SPATA6L: variants seen among roughly 807,000 people sequenced by gnomAD.
SPATA6L encodes the protein spermatogenesis associated 6-like protein.
In SPATA6L, 68 loss-of-function variants were observed where a neutral mutation model predicts 49.2. The observed-to-expected ratio is 1.38, with a 90% CI of 1.14 to 1.69. SPATA6L has a LOEUF of 1.69. Ranked by LOEUF, SPATA6L falls within the 40% of genes most tolerant of loss-of-function variation. The pLI is 0.00. For synonymous variants in SPATA6L, 198 were observed against 165.7 expected (o/e 1.19, Z -1.50); for missense variants, 668 against 464.3 (o/e 1.44, Z -4.03).
At chr9:4,630,852 A>G (rs1388448571) in intron 4 of SPATA6L, among the ~76,000 whole-genome samples, 1 of 152,234 alleles carries the variant, frequency 6.6e-6, no homozygotes, top group Non-Finnish European at 1.5e-5. Flanking sequence ...TAAGGGATGT[A>G]CCATTACAGT....
intron 1 of SPATA6L, 79 bp downstream of exon 1, chr9:4,666,133 G>A: frequency 7.8e-7 from 1 of 1,287,118 alleles, no homozygotes; most frequent in Non-Finnish European, 1.1e-6. Flanking sequence ...GGGGATGTGG[G>A]GGAGGGTTGT....
At chr9:4,638,730 C>A (rs12348560) in intron 3 of SPATA6L, among the ~76,000 whole-genome samples, 19,095 of 152,022 alleles carry the variant, frequency 0.13, 1,727 homozygotes, top group African/African-American at 0.25. Flanking sequence ...GCAACAAAAC[C>A]CAACTTTCTC....
chr9:4,658,989 A>G (rs1838967993), intron 2 of SPATA6L, among the ~76,000 whole-genome samples: 1 of 151,920 alleles, frequency 6.6e-6, no homozygotes, highest in Non-Finnish European at 1.5e-5. Context: ...GAGCAAATTC[A>G]AAATTGATAT....
chr9:4,597,369 C>T (rs985815723), downstream of SPATA6L, among the ~76,000 whole-genome samples: 10 of 136,190 alleles, frequency 7.3e-5, no homozygotes, highest in South Asian at 2.4e-4. Context: ...CACACACACA[C>T]GGTGGGGCGT....
At chr9:4,633,932 C>G (rs1832210726) in intron 4 of SPATA6L, among the ~76,000 whole-genome samples, 1 of 152,144 alleles carries the variant, frequency 6.6e-6, no homozygotes, top group African/African-American at 2.4e-5. Context: ...TGTAAGAATA[C>G]TTTACCTCTA....
At chr9:4,604,017 TATC>T (rs1181748371) in intron 11 of SPATA6L, among the ~76,000 whole-genome samples, 159 bp downstream of exon 11, 3 of 152,192 alleles carry the variant, frequency 2.0e-5, no homozygotes, top group Non-Finnish European at 4.4e-5. Context: ...GCACTGCAGT[TATC>T]ATACAGAGCA....
At chr9:4,643,773 A>G (rs12352901) in intron 3 of SPATA6L, among the ~76,000 whole-genome samples, 3,525 of 152,228 alleles carry the variant, frequency 0.023, 127 homozygotes, top group African/African-American at 0.074. Context: ...GGGAGGCCGA[A>G]GCAGGCAGAT....
At chr9:4,654,547 C>A (rs941084643) in intron 3 of SPATA6L, among the ~76,000 whole-genome samples, 1 of 152,192 alleles carries the variant, frequency 6.6e-6, no homozygotes, top group Non-Finnish European at 1.5e-5. Context: ...TCTGTACCCC[C>A]GGGTTTCTTG....
intron 6 of SPATA6L, 38 bp from the exon 7 acceptor site, chr9:4,622,548 A>C: frequency 7.3e-7 from 1 of 1,374,358 alleles, no homozygotes; most frequent in Non-Finnish European, 1.0e-6. Flanking sequence ...AGAATCCACT[A>C]TAGCTTCTAG....
chr9:4,590,935 C>T (rs1013899348), intron 13 of SPATA6L, among the ~76,000 whole-genome samples: 8 of 152,136 alleles, frequency 5.3e-5, no homozygotes, highest in Non-Finnish European at 7.4e-5. Context: ...AGCACAATGT[C>T]GCATCATCTT....
chr9:4,601,376 T>TG (rs199684378), intron 11 of SPATA6L, among the ~76,000 whole-genome samples: 9 of 151,296 alleles, frequency 5.9e-5, no homozygotes, highest in African/African-American at 1.2e-4. Flanking sequence ...AGGTTTTTTT[T>TG]TTTGTTTGGT....
chr9:4,607,040 A>T (rs1317496776), intron 9 of SPATA6L, among the ~76,000 whole-genome samples: 1 of 150,882 alleles, frequency 6.6e-6, no homozygotes, highest in Non-Finnish European at 1.5e-5. Flanking sequence ...AAGAAAGGGT[A>T]TCAGCGATGG....
chr9:4,609,628 T>A (rs928830099), intron 9 of SPATA6L, among the ~76,000 whole-genome samples: 1 of 151,450 alleles, frequency 6.6e-6, no homozygotes, highest in Non-Finnish European at 1.5e-5. Context: ...ATAAATTAGG[T>A]ATTGATGGGA....
At chr9:4,598,134 T>C (rs960225722), downstream of SPATA6L, among the ~76,000 whole-genome samples, 1 of 151,996 alleles carries the variant, frequency 6.6e-6, no homozygotes, top group Admixed American at 6.6e-5. Flanking sequence ...CACAGAGAAC[T>C]GGCCTCATTG....
At chr9:4,655,130 G>T (rs1664437045) in intron 3 of SPATA6L, among the ~76,000 whole-genome samples, 1 of 152,252 alleles carries the variant, frequency 6.6e-6, no homozygotes, top group East Asian at 1.9e-4. Context: ...TAGCCTAAAA[G>T]TGGAAACAAC....
intron 13 of SPATA6L, among the ~76,000 whole-genome samples, chr9:4,592,399 A>C (rs925771591): frequency 3.9e-5 from 6 of 152,302 alleles, no homozygotes; most frequent in African/African-American, 1.2e-4. Flanking sequence ...TGTGGCAAGC[A>C]GTGCTCTTAC....
intron 11 of SPATA6L, among the ~76,000 whole-genome samples, chr9:4,603,816 T>C (rs1474279226): frequency 6.6e-6 from 1 of 151,916 alleles, no homozygotes; most frequent in African/African-American, 2.4e-5. Flanking sequence ...GAAGGACAAA[T>C]AGAAGTTATC....
rs886502965 is a variant in SPATA6L at position 4,662,276 on chromosome 9, C to T, written c.40-240G>A. On this transcript the variant is annotated intron_variant, in intron 1 of 11. Coordinates refer to ENST00000682582, the MANE Select transcript of SPATA6L (RefSeq NM_001353486.2). This position sits in a 1 kb window ranked among gnomAD's most constrained non-coding sequence, Gnocchi z 4.9. ...ATCGCGCTCTCGCCGGCTCCTCTCCCCGCCCCTCCGGGATGGTAGTGCGGA... is the reference window on the plus strand; with the variant it reads ...ATCGCGCTCTCGCCGGCTCCTCTCCTCGCCCCTCCGGGATGGTAGTGCGGA... The T allele has an allele frequency of 7.7e-6, 11 of 1,434,664 alleles. No individual in the cohort carries two copies. The highest frequency in any genetic ancestry group is 1.0e-5 in the Non-Finnish European group (11 of 1,099,972). 88.9% of individuals were successfully genotyped at this position (1,434,664 alleles called of 1,614,324 possible).
At chr9:4,602,565 C>T (rs1313827847) in intron 11 of SPATA6L, among the ~76,000 whole-genome samples, 3 of 152,178 alleles carry the variant, frequency 2.0e-5, no homozygotes, top group Non-Finnish European at 4.4e-5. Context: ...ATCCCACACT[C>T]CTTTATTGTT....
Sources: allele counts gnomAD v4.1 joint callset (sites outside exome capture counted in the v4.1 genomes callset), GRCh38; gene constraint gnomAD v4.1.1; non-coding constraint Gnocchi (gnomAD v3.1); transcripts MANE v1.5; gene names NCBI Gene and HGNC (gene_info 2026-07-23, HGNC 2026-07-21).